The following LDLRAD3 variants were observed in gnomAD, a reference collection of about 807,000 sequenced individuals.
LDLRAD3 encodes low density lipoprotein receptor class A domain containing 3.
Under a neutral mutation model 29.4 loss-of-function variants are expected in LDLRAD3, and 20 were observed. The ratio of observed to expected loss-of-function variants is 0.68; its 90% CI spans 0.48 to 0.99. The LOEUF (loss-of-function observed/expected upper bound fraction) is 0.99, where lower values mean the gene tolerates loss of function less well. Among genes scored for constraint, LDLRAD3 ranks in the 50% least tolerant of loss-of-function variants. The pLI, the probability that LDLRAD3 is intolerant of heterozygous loss-of-function variation, is 0.00. For missense variants in LDLRAD3, 420 were observed against 454.3 expected (o/e 0.92, Z 0.69); for synonymous variants, 157 against 192.7 (o/e 0.81, Z 1.53).
At chr11:36,075,539 T>G (rs747788597) in intron 2 of LDLRAD3, among the ~76,000 whole-genome samples, 1 of 152,224 alleles carries the variant, frequency 6.6e-6, no homozygotes, top group African/African-American at 2.4e-5. Context: ...ATTAATAACA[T>G]ATTGCGGAAG....
intron 1 of LDLRAD3, among the ~76,000 whole-genome samples, chr11:36,028,954 G>T (rs1457388025): frequency 6.6e-6 from 1 of 152,118 alleles, no homozygotes; most frequent in Non-Finnish European, 1.5e-5. Flanking sequence ...GAGTAAAAAG[G>T]AACTGAAGGG....
At chr11:35,994,807 C>T (rs1373086068) in intron 1 of LDLRAD3, among the ~76,000 whole-genome samples, 1 of 152,202 alleles carries the variant, frequency 6.6e-6, no homozygotes, top group South Asian at 2.1e-4. Context: ...CATAGCATCT[C>T]CATCAGGACT....
chr11:36,000,079 G>A (rs748509564), intron 1 of LDLRAD3, among the ~76,000 whole-genome samples: 15 of 152,038 alleles, frequency 9.9e-5, no homozygotes, highest in Admixed American at 8.5e-4. Context: ...CTCACACATC[G>A]ATGCAGATAA....
At chr11:36,143,372 G>C (rs1854115283) in intron 4 of LDLRAD3, among the ~76,000 whole-genome samples, 1 of 152,212 alleles carries the variant, frequency 6.6e-6, no homozygotes, top group Admixed American at 6.5e-5. Flanking sequence ...GAAGAAGCTG[G>C]CACATCAGGT....
chr11:36,094,097 G>C (rs577434304), intron 3 of LDLRAD3, among the ~76,000 whole-genome samples: 1 of 152,232 alleles, frequency 6.6e-6, no homozygotes, highest in Admixed American at 6.5e-5. Context: ...GCTTTAAACT[G>C]TCTTTGGCTT....
chr11:36,132,389 T>TA lies in LDLRAD3; in HGVS notation c.454+33930dup, dbSNP rs1288810899. 1.3e-5 allele frequency among the ~76,000 whole-genome samples: 2 copies of TA among 152,216 alleles called. 1 individual carries two copies. The highest frequency in any genetic ancestry group is 3.8e-4 in the East Asian group (2 of 5,196). On this transcript the variant is annotated intron_variant, in intron 4 of 5. Transcript: ENST00000315571. ...CATGCTTCAATGATGTGTGATTATC[T>TA]AATAAGAGCAATAATGCAGCGTGGC...
intron 4 of LDLRAD3, among the ~76,000 whole-genome samples, chr11:36,128,718 A>C (rs2133303608): frequency 6.6e-6 from 1 of 152,188 alleles, no homozygotes; most frequent in East Asian, 1.9e-4. Flanking sequence ...GTGTGGTGAT[A>C]GGCACCTGTA....
chr11:36,049,366 A>G (rs558628563), intron 2 of LDLRAD3, among the ~76,000 whole-genome samples: 1 of 152,300 alleles, frequency 6.6e-6, no homozygotes, highest in Admixed American at 6.5e-5. Flanking sequence ...AAATCTTGAG[A>G]CAGATGAGAA....
intron 2 of LDLRAD3, among the ~76,000 whole-genome samples, chr11:36,066,971 G>T (rs532421465): frequency 2.0e-5 from 3 of 152,184 alleles, no homozygotes; most frequent in Admixed American, 2.0e-4. Context: ...ATCTCCTGCC[G>T]CATAGCCCAT....
chr11:36,219,734 G>C (rs1387790015), intron 4 of LDLRAD3, among the ~76,000 whole-genome samples: 1 of 152,158 alleles, frequency 6.6e-6, no homozygotes, highest in East Asian at 1.9e-4. Context: ...AAGATTCCTT[G>C]AATCGAATAT....
chr11:36,022,149 C>T (rs11033378), intron 1 of LDLRAD3, among the ~76,000 whole-genome samples: 376 of 152,294 alleles, frequency 2.5e-3, no homozygotes, highest in Non-Finnish European at 4.3e-3. Context: ...TCTTTCATCT[C>T]GCCTGGTATG....
intron 2 of LDLRAD3, among the ~76,000 whole-genome samples, chr11:36,051,891 T>G (rs1852533860): frequency 1.3e-5 from 2 of 152,230 alleles, no homozygotes; most frequent in African/African-American, 2.4e-5. Flanking sequence ...GCCCAACCAG[T>G]ACTTTCTAAA....
At chr11:36,217,672 T>A (rs1855370672) in intron 4 of LDLRAD3, among the ~76,000 whole-genome samples, 1 of 152,208 alleles carries the variant, frequency 6.6e-6, no homozygotes, top group Non-Finnish European at 1.5e-5. Flanking sequence ...AGGCCAGAAG[T>A]GCAAATTGAA....
At chr11:36,128,054 G>C (rs1853863647) in intron 4 of LDLRAD3, among the ~76,000 whole-genome samples, 1 of 148,818 alleles carries the variant, frequency 6.7e-6, no homozygotes, top group South Asian at 2.2e-4. Context: ...ACTGATCTGA[G>C]GCATCAGGTG....
At chr11:35,989,045 T>C (rs1477871280) in intron 1 of LDLRAD3, 3 of 152,242 alleles carry the variant, frequency 2.0e-5, no homozygotes, top group African/African-American at 7.2e-5. Flanking sequence ...AGTTAATTTT[T>C]GTATATAGTG....
chr11:36,227,389 A>G lies in LDLRAD3; in HGVS notation c.759A>G (p.Val253=), dbSNP rs1039636652. The stretch of plus-strand genomic sequence containing the variant: ...AGGCGGAGCAGAATGCGTCGGAAGT[A>G]GGCTCCCCACCCTCCTACTCCGAGG... ...ASQAEQNASE[V]GSPPSYSEAL... is the part of the protein sequence containing the mutation. The change falls in exon 5 of 6, where the codon GTA becomes GTG. Residue 253 remains valine (V), a synonymous_variant. Transcript: ENST00000315571. 3 of 1,606,982 alleles carry G rather than the reference A, an allele frequency of 1.9e-6. No individual in the cohort carries two copies. In the African/African-American group the frequency reaches 4.0e-5, roughly 21 times the overall value.
intron 4 of LDLRAD3, among the ~76,000 whole-genome samples, chr11:36,138,029 G>A (rs1307799773): frequency 2.0e-5 from 3 of 152,204 alleles, no homozygotes; most frequent in Admixed American, 1.3e-4. Flanking sequence ...TAACTCAGGG[G>A]CCCTTTAATC....
chr11:36,123,813 TC>T (rs2133298702), intron 4 of LDLRAD3, among the ~76,000 whole-genome samples: 1 of 152,346 alleles, frequency 6.6e-6, no homozygotes, highest in East Asian at 1.9e-4. Context: ...CCACCCGGAC[TC>T]CTAAAGTCCG....
At chr11:36,178,960 G>T (rs1333664513) in intron 4 of LDLRAD3, among the ~76,000 whole-genome samples, 1 of 152,226 alleles carries the variant, frequency 6.6e-6, no homozygotes, top group Non-Finnish European at 1.5e-5. Flanking sequence ...TTGTTACCCA[G>T]AGTATGGGCT....
Sources: allele counts gnomAD v4.1 joint callset (sites outside exome capture counted in the v4.1 genomes callset), GRCh38; gene constraint gnomAD v4.1.1; transcripts MANE v1.5; gene names NCBI Gene and HGNC (gene_info 2026-07-23, HGNC 2026-07-21).